CNOT6: variants seen among roughly 807,000 people sequenced by gnomAD.
The protein encoded by CNOT6 is CCR4-NOT transcription complex subunit 6.
A neutral mutation model predicts 61.2 loss-of-function variants in CNOT6; 12 were observed. That is an observed-to-expected ratio of 0.20 (90% CI 0.13 to 0.32). The LOEUF (loss-of-function observed/expected upper bound fraction) is 0.32. Ranked by LOEUF, CNOT6 falls within the 10% of genes least tolerant of loss-of-function variation. The pLI, the probability that CNOT6 is intolerant of heterozygous loss-of-function variation, is 1.00. For synonymous variants in CNOT6, 225 were observed against 240.6 expected (o/e 0.94, Z 0.60); for missense variants, 405 against 663.9 (o/e 0.61, Z 4.28).
intron 11 of CNOT6, among the ~76,000 whole-genome samples, chr5:180,573,600 T>TCC (rs1299784692): frequency 6.0e-4 from 15 of 25,060 alleles, no homozygotes; most frequent in African/African-American, 1.6e-3. Flanking sequence ...TGTGTGTGTG[T>TCC]GTCCGTCCGT....
At chr5:180,526,125 G>T (rs1266324401) in intron 1 of CNOT6, among the ~76,000 whole-genome samples, 1 of 152,140 alleles carries the variant, frequency 6.6e-6, no homozygotes, top group East Asian at 1.9e-4. Flanking sequence ...ATAGTTTTTG[G>T]TGAAAGGTTG....
In CNOT6 at chr5:180,533,311, CCTATATATAT is replaced by C. The variant is rs968325624; in HGVS notation, c.112+3924_112+3933del. Among the ~76,000 whole-genome samples, 23 of 65,224 alleles carry C rather than the reference CCTATATATAT, an allele frequency of 3.5e-4. 1 individual carries two copies. The East Asian group carries it at 4.0e-3, about 11-fold the overall frequency. The allele number at this position is 65,224 out of a possible 152,430, so 42.8% of individuals were successfully genotyped here. ...AGGAACCAGGAACCATGGATGAAAA[CCTATATATAT>C]ATATATATATATATATATATATCAC... On this transcript the variant is annotated intron_variant, in intron 2 of 11. Transcript: ENST00000261951.
chr5:180,560,109 G>A (rs560085026), intron 4 of CNOT6, among the ~76,000 whole-genome samples: 2 of 151,932 alleles, frequency 1.3e-5, no homozygotes, highest in East Asian at 1.9e-4. Context: ...CACCATGCCC[G>A]GCTAATTTTT....
intron 1 of CNOT6, among the ~76,000 whole-genome samples, chr5:180,526,146 C>T (rs1758093370): frequency 6.6e-6 from 1 of 152,096 alleles, no homozygotes; most frequent in African/African-American, 2.4e-5. Flanking sequence ...AAAACACTTA[C>T]GAACTTGAAT....
At chr5:180,544,084 T>C (rs1245946714) in intron 2 of CNOT6, among the ~76,000 whole-genome samples, 1 of 152,228 alleles carries the variant, frequency 6.6e-6, no homozygotes, top group Non-Finnish European at 1.5e-5. Flanking sequence ...GTGCTGGGAT[T>C]ACAGGCGTGA....
Position 180,562,596 on chromosome 5 carries a change from C to G in CNOT6, c.386-1893C>G, listed in dbSNP as rs1316229603. Among the ~76,000 whole-genome samples, 6 of 151,954 alleles carry G rather than the reference C, an allele frequency of 3.9e-5. No individual in the cohort carries two copies. The East Asian group carries it at 1.2e-3, about 29-fold the overall frequency. On this transcript the variant is annotated intron_variant, in intron 4 of 11. Coordinates refer to ENST00000261951, the MANE Select transcript of CNOT6 (RefSeq NM_001370472.1). ...TCTACTAAAAATACAAAAAATTAGC[C>G]GGGCATGGTGGCAGCTGCCTGTAGT...
intron 2 of CNOT6, among the ~76,000 whole-genome samples, chr5:180,547,784 A>T (rs1759388548): frequency 6.6e-6 from 1 of 152,040 alleles, no homozygotes; most frequent in Admixed American, 6.6e-5. Context: ...CCCAGACTGG[A>T]GTGCAGTGGC....
intron 1 of CNOT6, among the ~76,000 whole-genome samples, chr5:180,502,495 A>G (rs1292844092): frequency 1.3e-5 from 2 of 152,154 alleles, no homozygotes; most frequent in Admixed American, 1.3e-4. Context: ...GTTTGCACTT[A>G]TGTTGTGCTC....
At position 180,571,334 on chromosome 5, in the gene CNOT6, A is replaced by T; in HGVS notation, c.1363A>T (p.Asn455Tyr). The change falls in exon 11 of 12, where the codon AAT (asparagine) becomes TAT (tyrosine). Residue 455 changes from asparagine (N) to tyrosine (Y), a missense_variant. Around this residue, in one of 5 missense-constraint regions of CNOT6, gnomAD observed 116 missense variants for 184.6 expected, o/e 0.63. Transcript: ENST00000261951. ...CACAAACTTCAGCTGTCATGGGAAG[A>T]ATGGAACCACCAATGGAAGGATCAC... ...SLTNFSCHGK[N>Y]GTTNGRITHG... 6.2e-7 allele frequency: 1 copy of T among 1,614,110 alleles called. No individual in the cohort carries two copies. Among genetic ancestry groups the T allele is most frequent in the Non-Finnish European group, 8.5e-7 (1 of 1,179,930 alleles).
chr5:180,568,198 A>C (rs1760558224), intron 9 of CNOT6, among the ~76,000 whole-genome samples, 195 bp downstream of exon 9: 1 of 151,530 alleles, frequency 6.6e-6, no homozygotes, highest in Admixed American at 6.6e-5. Context: ...TGCCCATTAA[A>C]GTATTAGAAG....
chr5:180,500,544 TCTC>T (rs1232446923), intron 1 of CNOT6, among the ~76,000 whole-genome samples: 2 of 152,050 alleles, frequency 1.3e-5, no homozygotes, highest in Non-Finnish European at 2.9e-5. Context: ...TTCACGCCAT[TCTC>T]CTTCAGCCTC....
At chr5:180,573,412 G>C (rs1200380959) in intron 11 of CNOT6, among the ~76,000 whole-genome samples, 2 of 152,146 alleles carry the variant, frequency 1.3e-5, no homozygotes, top group African/African-American at 4.8e-5. Flanking sequence ...TCTGTGGTGA[G>C]AGGTAGGGTA....
At chr5:180,517,735 G>T (rs1044151183) in intron 1 of CNOT6, among the ~76,000 whole-genome samples, 9 of 151,916 alleles carry the variant, frequency 5.9e-5, no homozygotes, top group African/African-American at 2.2e-4. Context: ...GTGGAGATGG[G>T]GTTTCACCAT....
chr5:180,496,362 C>T (rs1232490177), intron 1 of CNOT6, among the ~76,000 whole-genome samples: 1 of 152,130 alleles, frequency 6.6e-6, no homozygotes, highest in Non-Finnish European at 1.5e-5. Flanking sequence ...AGGTGACTTG[C>T]CCATGGTACT....
chr5:180,573,919 G>A, intron 11 of CNOT6, 69 bp from the exon 12 acceptor site: 1 of 1,053,950 alleles, frequency 9.5e-7, no homozygotes, highest in East Asian at 2.4e-5. Flanking sequence ...ATAAAGGCAT[G>A]TCTTGAAAGC....
At chr5:180,548,385 C>T (rs13173695) in intron 2 of CNOT6, among the ~76,000 whole-genome samples, 26,597 of 152,044 alleles carry the variant, frequency 0.17, 2,425 homozygotes, top group Non-Finnish European at 0.19. Flanking sequence ...ATGCATGTGT[C>T]GATCAATACC....
intron 11 of CNOT6, among the ~76,000 whole-genome samples, chr5:180,572,701 C>T (rs1040099723): frequency 2.0e-5 from 3 of 150,458 alleles, no homozygotes; most frequent in African/African-American, 4.9e-5. Flanking sequence ...AGGTGTCCGC[C>T]GCCATACCCA....
At chr5:180,542,824 A>G (rs970819282) in intron 2 of CNOT6, among the ~76,000 whole-genome samples, 1 of 152,212 alleles carries the variant, frequency 6.6e-6, no homozygotes, top group African/African-American at 2.4e-5. Context: ...GCTTAAAAGT[A>G]AATGCAAGTT....
chr5:180,568,678 C>T (rs1417097523), intron 9 of CNOT6, among the ~76,000 whole-genome samples: 1 of 151,894 alleles, frequency 6.6e-6, no homozygotes, highest in Non-Finnish European at 1.5e-5. Flanking sequence ...TGCTGGGAGC[C>T]GAAACTTGTG....
Sources: allele counts gnomAD v4.1 joint callset (sites outside exome capture counted in the v4.1 genomes callset), GRCh38; gene constraint gnomAD v4.1.1; regional missense constraint gnomAD v4.1.1; transcripts MANE v1.5; gene names NCBI Gene and HGNC (gene_info 2026-07-23, HGNC 2026-07-21).